Variants in ATP8A2 observed in about 807,000 individuals in gnomAD.
ATP8A2 encodes ATPase phospholipid transporting 8A2, also known as phospholipid-transporting ATPase IB.
In ATP8A2, 100 loss-of-function variants were observed where a neutral mutation model predicts 165.6. The ratio of observed to expected loss-of-function variants is 0.60; its 90% CI spans 0.51 to 0.71. The LOEUF is 0.71. ATP8A2 is among the 30% of genes least tolerant of loss of function. The pLI is 0.00. For missense variants in ATP8A2, 1,227 were observed against 1,479.5 expected, an observed-to-expected ratio of 0.83 and a Z score of 2.80; for synonymous variants, 543 against 548.8, an observed-to-expected ratio of 0.99 and a Z score of 0.15.
At chr13:25,840,387 G>A (rs143086527) in intron 30 of ATP8A2, among the ~76,000 whole-genome samples, 8 of 152,258 alleles carry the variant, frequency 5.3e-5, no homozygotes, top group East Asian at 1.9e-4. Context: ...GTTTCCAAGC[G>A]TCTTTGTTTC....
At chr13:25,753,900 G>A (rs2044206673) in intron 25 of ATP8A2, among the ~76,000 whole-genome samples, 1 of 152,228 alleles carries the variant, frequency 6.6e-6, no homozygotes, top group Non-Finnish European at 1.5e-5. Context: ...TACTGTTAAA[G>A]TGTATTAAGC....
intron 28 of ATP8A2, among the ~76,000 whole-genome samples, chr13:25,833,844 CA>C (rs1951539555): frequency 6.6e-6 from 1 of 152,052 alleles, no homozygotes. Flanking sequence ...TTTTATATGG[CA>C]AAAGAACCCA....
intron 15 of ATP8A2, among the ~76,000 whole-genome samples, chr13:25,563,147 C>G (rs373507217): frequency 6.6e-6 from 1 of 152,186 alleles, no homozygotes; most frequent in Non-Finnish European, 1.5e-5. Context: ...CGGTGGCTCA[C>G]GCCTGTAATC....
At chr13:25,393,678 A>T (rs938757607) in intron 1 of ATP8A2, among the ~76,000 whole-genome samples, 4 of 152,222 alleles carry the variant, frequency 2.6e-5, no homozygotes, top group Non-Finnish European at 5.9e-5. Context: ...GGCCTCCTAA[A>T]GTGCTGGGAT....
intron 30 of ATP8A2, among the ~76,000 whole-genome samples, chr13:25,855,328 G>A (rs1249769788): frequency 6.6e-6 from 1 of 151,788 alleles, no homozygotes; most frequent in Non-Finnish European, 1.5e-5. Context: ...TCTACTGTCT[G>A]TCTCTGTAGA....
intron 2 of ATP8A2, among the ~76,000 whole-genome samples, chr13:25,483,556 A>G (rs768033620): frequency 6.6e-6 from 1 of 152,206 alleles, no homozygotes; most frequent in Admixed American, 6.5e-5. Flanking sequence ...AAGATACTCC[A>G]ATTAATAAAC....
At chr13:25,805,248 C>T (rs1950709250) in intron 27 of ATP8A2, among the ~76,000 whole-genome samples, 1 of 152,084 alleles carries the variant, frequency 6.6e-6, no homozygotes, top group Non-Finnish European at 1.5e-5. Flanking sequence ...GTGGCTCACA[C>T]CTGTAATCCC....
At chr13:25,777,150 C>A (rs939802105) in intron 27 of ATP8A2, among the ~76,000 whole-genome samples, 1 of 152,012 alleles carries the variant, frequency 6.6e-6, no homozygotes, top group African/African-American at 2.4e-5. Flanking sequence ...TTTAAACATT[C>A]TTTATAAAGT....
chr13:25,589,122 T>C (rs1407462131), intron 23 of ATP8A2, among the ~76,000 whole-genome samples: 1 of 152,222 alleles, frequency 6.6e-6, no homozygotes, highest in Non-Finnish European at 1.5e-5. Flanking sequence ...AAAAAAGCCT[T>C]TTTAAAATAA....
chr13:25,524,864 C>T (rs2037785617), intron 2 of ATP8A2, among the ~76,000 whole-genome samples: 1 of 151,200 alleles, frequency 6.6e-6, no homozygotes. Context: ...CATTTTTCTG[C>T]TTGTTTTCTC....
At position 26,012,601 on chromosome 13, in the gene ATP8A2, T is replaced by A; in HGVS notation, c.3448T>A (p.Ser1150Thr). The change falls in exon 36 of 37, where the codon TCC becomes ACC. Residue 1150 changes from serine to threonine, a missense_variant. By Grantham distance (58) the Ser-to-Thr change is moderately conservative. Coordinates refer to ENST00000381655, the MANE Select transcript of ATP8A2 (RefSeq NM_016529.6). ...GCCCCCGACGCTGTTCCGGGGCAGC[T>A]CCCTGCAGCAGGGCGTCCCGCGTGA... ...KTPPTLFRGS[S>T]LQQGVPHGYA... The A allele has an allele frequency of 6.6e-7, 1 of 1,508,316 alleles. No individual in the cohort carries two copies. The highest frequency in any genetic ancestry group is 8.9e-7 in the Non-Finnish European group (1 of 1,129,190). The allele number at this position is 1,508,316 out of a possible 1,614,324, so 93.4% of individuals were successfully genotyped here.
chr13:25,523,618 ATTCAT>A (rs2037740795), intron 2 of ATP8A2, among the ~76,000 whole-genome samples: 1 of 151,958 alleles, frequency 6.6e-6, no homozygotes, highest in Non-Finnish European at 1.5e-5. Context: ...CTGAGAATTT[ATTCAT>A]TTCTTCTTGG....
At chr13:25,682,032 G>A (rs77225150) in intron 24 of ATP8A2, among the ~76,000 whole-genome samples, 2,332 of 152,140 alleles carry the variant, frequency 0.015, 59 homozygotes, top group African/African-American at 0.052. Flanking sequence ...AGAAAAACGC[G>A]TCAGATAGAA....
At chr13:25,895,361 C>A (rs555005513) in intron 33 of ATP8A2, among the ~76,000 whole-genome samples, 2 of 152,274 alleles carry the variant, frequency 1.3e-5, no homozygotes, top group African/African-American at 4.8e-5. Flanking sequence ...GTTGAACCAG[C>A]CTTGCATCCC....
chr13:25,732,874 G>A (rs1195539175), intron 25 of ATP8A2, among the ~76,000 whole-genome samples: 1 of 151,580 alleles, frequency 6.6e-6, no homozygotes, highest in Non-Finnish European at 1.5e-5. Context: ...ATAAACATTT[G>A]GAAGTTATTG....
chr13:25,469,854 G>T (rs2035793943), intron 2 of ATP8A2, among the ~76,000 whole-genome samples: 1 of 152,160 alleles, frequency 6.6e-6, no homozygotes, highest in Non-Finnish European at 1.5e-5. Context: ...TTTCTGCTGT[G>T]CAAAGCTAGT....
chr13:25,571,967 C>T (rs2039479113), intron 18 of ATP8A2, among the ~76,000 whole-genome samples: 1 of 152,170 alleles, frequency 6.6e-6, no homozygotes, highest in Non-Finnish European at 1.5e-5. Context: ...ACTCTTTGTT[C>T]TATAATAATT....
intron 33 of ATP8A2, among the ~76,000 whole-genome samples, chr13:25,896,072 C>A (rs1038340108): frequency 6.6e-6 from 1 of 152,174 alleles, no homozygotes; most frequent in Admixed American, 6.5e-5. Context: ...TTGCCTTATG[C>A]TAGCTTTTGA....
chr13:25,945,338 G>A (rs998912034), intron 33 of ATP8A2, among the ~76,000 whole-genome samples: 12 of 152,246 alleles, frequency 7.9e-5, no homozygotes, highest in African/African-American at 2.9e-4. Flanking sequence ...GTGTCTCTCA[G>A]AAGTAACCAA....
Sources: gnomAD v4.1 joint callset for allele counts (sites outside exome capture counted in the v4.1 genomes callset) on GRCh38, gnomAD v4.1.1 for gene constraint, MANE v1.5 for transcripts, NCBI Gene and HGNC (gene_info 2026-07-23, HGNC 2026-07-21) for gene names.